The following SLC16A7 variants were observed in gnomAD, a reference collection of about 807,000 sequenced individuals.
SLC16A7 encodes the protein monocarboxylate transporter 2.
SLC16A7 carries 33 observed loss-of-function variants against 34.9 expected under a neutral mutation model. That is an observed-to-expected ratio of 0.94 (90% CI 0.72 to 1.26). The LOEUF is 1.26. Among genes scored for constraint, SLC16A7 ranks in the 50% most tolerant of loss-of-function variants. The pLI is 0.00. For synonymous variants in SLC16A7, 201 were observed against 206.6 expected, an observed-to-expected ratio of 0.97 and a Z score of 0.23; for missense variants, 573 against 578.1, an observed-to-expected ratio of 0.99 and a Z score of 0.09.
At chr12:59,612,347 C>T (rs1215725695) in intron 1 of SLC16A7, among the ~76,000 whole-genome samples, 1 of 152,154 alleles carries the variant, frequency 6.6e-6, no homozygotes, top group Admixed American at 6.5e-5. Context: ...CCCCTTTTAG[C>T]GATGGCTGGA....
At chr12:59,740,768 A>G (rs909086946) in intron 3 of SLC16A7, among the ~76,000 whole-genome samples, 1 of 152,126 alleles carries the variant, frequency 6.6e-6, no homozygotes, top group Non-Finnish European at 1.5e-5. Flanking sequence ...AGGAAATCAA[A>G]TTGTCCCTGT....
Position 59,780,320 on chromosome 12 carries a change from GAGGGTGA to G in SLC16A7, c.*642_*648del, listed in dbSNP as rs1883152988. 6.6e-6 allele frequency: 1 copy of G among 152,058 alleles called. No individual in the cohort carries two copies. Among genetic ancestry groups the G allele is most frequent in the Admixed American group, 6.6e-5 (1 of 15,224 alleles). The allele number at this position is 152,058 out of a possible 1,614,324, so 9.4% of individuals were successfully genotyped here. A position where few individuals can be genotyped will look rare whatever the true frequency, so the allele number is the denominator to read the frequency against. On this transcript the variant is annotated 3_prime_UTR_variant, in exon 6 of 6. Transcript: ENST00000547379. Reference sequence around the variant, plus strand: ...TAAAGATAAGCACATGGGTAAAAATGAGGGTGATCCTTATTCAAAAATAACATCTGAC... The same window carrying G: ...TAAAGATAAGCACATGGGTAAAAATGTCCTTATTCAAAAATAACATCTGAC...
intron 1 of SLC16A7, among the ~76,000 whole-genome samples, chr12:59,606,352 A>T (rs898913460): frequency 2.0e-5 from 3 of 152,178 alleles, no homozygotes; most frequent in South Asian, 2.1e-4. Context: ...AATTCCCTTT[A>T]GATGTGATAG....
At position 59,747,745 on chromosome 12, in the gene SLC16A7, T is replaced by TA. The variant is rs915422441; in HGVS notation, c.218-23472dup. Among the ~76,000 whole-genome samples the TA allele has an allele frequency of 1.8e-4, 28 of 152,356 alleles. 1 individual carries two copies. Among genetic ancestry groups the TA allele is most frequent in the Admixed American group, 1.7e-3 (26 of 15,300 alleles). ...AGGTAATGGGTAGGGTATGGTTGTATAACCGGAAGCTGTGTAAGCAGAGGC... is the reference window on the plus strand; with the variant it reads ...AGGTAATGGGTAGGGTATGGTTGTATAAACCGGAAGCTGTGTAAGCAGAGGC... On this transcript the variant is annotated intron_variant, in intron 3 of 5. Coordinates refer to ENST00000547379, the MANE Select transcript of SLC16A7 (RefSeq NM_001270623.2).
chr12:59,660,049 T>C (rs150315822), intron 2 of SLC16A7, among the ~76,000 whole-genome samples: 3 of 152,246 alleles, frequency 2.0e-5, no homozygotes, highest in African/African-American at 7.2e-5. Context: ...TTTGTTGTCA[T>C]TGTTGTTTTA....
intron 2 of SLC16A7, among the ~76,000 whole-genome samples, chr12:59,684,742 G>A (rs193177114): frequency 2.2e-4 from 33 of 151,974 alleles, no homozygotes; most frequent in Admixed American, 2.0e-3. Flanking sequence ...AGGTCAAGGT[G>A]GAAACAAAAT....
At chr12:59,626,140 T>C (rs1213545951) in intron 1 of SLC16A7, among the ~76,000 whole-genome samples, 1 of 151,792 alleles carries the variant, frequency 6.6e-6, no homozygotes, top group African/African-American at 2.4e-5. Flanking sequence ...AATCATCATA[T>C]TATAGAAAAT....
intron 1 of SLC16A7, among the ~76,000 whole-genome samples, chr12:59,624,431 C>T (rs1879831450): frequency 6.6e-6 from 1 of 151,414 alleles, no homozygotes; most frequent in South Asian, 2.1e-4. Flanking sequence ...CTGTTTTCTC[C>T]TGGTTTTGTT....
chr12:59,617,945 A>C (rs1163063570), intron 1 of SLC16A7, among the ~76,000 whole-genome samples: 2 of 151,948 alleles, frequency 1.3e-5, no homozygotes, highest in African/African-American at 4.8e-5. Flanking sequence ...AGGCAATTTA[A>C]ATTTTTGAAC....
At chr12:59,705,138 A>G in intron 3 of SLC16A7, 120 bp downstream of exon 3, 1 of 651,010 alleles carries the variant, frequency 1.5e-6, no homozygotes, top group South Asian at 2.0e-5. Context: ...GTCACTTAAA[A>G]CCAATCAAAA....
At chr12:59,742,638 A>C (rs1052943361) in intron 3 of SLC16A7, among the ~76,000 whole-genome samples, 1 of 152,262 alleles carries the variant, frequency 6.6e-6, no homozygotes, top group South Asian at 2.1e-4. Flanking sequence ...ACAATCAGGC[A>C]TCTGTAGATA....
intron 3 of SLC16A7, among the ~76,000 whole-genome samples, chr12:59,751,688 C>A (rs1167618265): frequency 1.3e-5 from 2 of 152,124 alleles, no homozygotes; most frequent in Non-Finnish European, 2.9e-5. Context: ...CACAGACAAA[C>A]AAAAAAGACA....
chr12:59,715,131 G>T (rs1874745879), intron 3 of SLC16A7, among the ~76,000 whole-genome samples: 1 of 152,128 alleles, frequency 6.6e-6, no homozygotes, highest in African/African-American at 2.4e-5. Flanking sequence ...ACAGGTGGTT[G>T]TCATTATTTG....
Position 59,782,733 on chromosome 12 carries a change from C to T in SLC16A7, c.*3054C>T, listed in dbSNP as rs1883337604. The T allele has an allele frequency of 6.6e-6, 1 of 152,158 alleles. No homozygotes were observed. The highest frequency in any genetic ancestry group is 1.9e-4 in the East Asian group (1 of 5,190). 9.4% of individuals were successfully genotyped at this position (152,158 alleles called of 1,614,324 possible). On this transcript the variant is annotated 3_prime_UTR_variant, in exon 6 of 6. Transcript: ENST00000547379. The stretch of plus-strand genomic sequence containing the variant: ...AATAGAACATTGTGTTTGCACTTTT[C>T]CTGACCTATCCTCACCCCCTTTCCT...
Position 59,600,721 on chromosome 12 carries a change from G to A in SLC16A7, c.-130+4485G>A, listed in dbSNP as rs182247388. 5.5e-3 allele frequency among the ~76,000 whole-genome samples: 833 copies of A among 152,248 alleles called. 7 individuals are homozygous for A. Among genetic ancestry groups the A allele is most frequent in the Non-Finnish European group, 9.0e-3 (611 of 68,020 alleles). On this transcript the variant is annotated intron_variant, in intron 1 of 5. Coordinates refer to ENST00000547379, the MANE Select transcript of SLC16A7 (RefSeq NM_001270623.2). ...GTGGGAGAAAATTAAACAAATTGGA[G>A]CTGACTATAATAAAACTAGTCCAGC...
intron 2 of SLC16A7, among the ~76,000 whole-genome samples, chr12:59,675,573 A>T (rs17122820): frequency 0.022 from 3,361 of 152,292 alleles, 131 homozygotes; most frequent in African/African-American, 0.076. Context: ...ACAGCAGATC[A>T]CATGTTCAAG....
At chr12:59,619,274 G>A (rs779674587) in intron 1 of SLC16A7, among the ~76,000 whole-genome samples, 1 of 151,984 alleles carries the variant, frequency 6.6e-6, no homozygotes, top group Non-Finnish European at 1.5e-5. Context: ...CAATCTCTGT[G>A]TAAAATTGAA....
chr12:59,647,208 C>T (rs972830868), intron 1 of SLC16A7, among the ~76,000 whole-genome samples: 1 of 152,012 alleles, frequency 6.6e-6, no homozygotes, highest in Non-Finnish European at 1.5e-5. Flanking sequence ...TTGGCTGTGT[C>T]CCTACCCAAA....
intron 3 of SLC16A7, among the ~76,000 whole-genome samples, chr12:59,762,256 C>A (rs1027264474): frequency 1.3e-5 from 2 of 152,018 alleles, no homozygotes; most frequent in East Asian, 1.9e-4. Context: ...GAATATGGAG[C>A]CTTTCTTTTT....
Sources: gnomAD v4.1 joint callset for allele counts (sites outside exome capture counted in the v4.1 genomes callset) on GRCh38, gnomAD v4.1.1 for gene constraint, MANE v1.5 for transcripts, NCBI Gene and HGNC (gene_info 2026-07-23, HGNC 2026-07-21) for gene names.